The following GATAD1 variants were observed in gnomAD, a reference collection of about 807,000 sequenced individuals.
GATAD1 encodes the protein GATA zinc finger domain-containing protein 1.
A neutral mutation model predicts 26.5 loss-of-function variants in GATAD1; 12 were observed. That is an observed-to-expected ratio of 0.45 (90% CI 0.29 to 0.73). GATAD1 has a LOEUF of 0.73. Among genes scored for constraint, GATAD1 ranks in the 30% least tolerant of loss-of-function variants. The pLI is 0.10. For missense variants in GATAD1, 266 were observed against 342.1 expected, an observed-to-expected ratio of 0.78 and a Z score of 1.75; for synonymous variants, 129 against 133.1, an observed-to-expected ratio of 0.97 and a Z score of 0.21.
At chr7:92,490,340 A>G in the GATAD1 span, 4 of 222,280 alleles carry the variant, frequency 1.8e-5, no homozygotes, top group African/African-American at 4.8e-5. Context: ...TTATATTTTT[A>G]AAGTCTGAGT....
chr7:92,493,014 GC>G, the GATAD1 span: 1 of 1,613,698 alleles, frequency 6.2e-7, no homozygotes, highest in Non-Finnish European at 8.5e-7. Context: ...GTAAAGTAAA[GC>G]TTTCAGATCA....
the GATAD1 span, among the ~76,000 whole-genome samples, chr7:92,477,061 C>T: frequency 2.6e-5 from 4 of 152,148 alleles, no homozygotes; most frequent in East Asian, 1.9e-4. Flanking sequence ...CATGCATGGG[C>T]GACTGTTGAG....
chr7:92,489,894 A>T, the GATAD1 span: 1 of 1,614,010 alleles, frequency 6.2e-7, no homozygotes, highest in East Asian at 2.2e-5. Context: ...AGCTTGGTGC[A>T]GAGAGACATT....
At chr7:92,476,873 C>T in the GATAD1 span, among the ~76,000 whole-genome samples, 1 of 152,144 alleles carries the variant, frequency 6.6e-6, no homozygotes, top group African/African-American at 2.4e-5. Context: ...CGCAGAGCTT[C>T]CTTAGATCCC....
the GATAD1 span, among the ~76,000 whole-genome samples, chr7:92,475,747 G>A: frequency 6.6e-5 from 10 of 152,120 alleles, no homozygotes; most frequent in South Asian, 4.2e-4. Context: ...TTGCCTTTGC[G>A]CTCAGGGGTG....
chr7:92,489,010 A>C, the GATAD1 span, among the ~76,000 whole-genome samples: 1 of 152,260 alleles, frequency 6.6e-6, no homozygotes, highest in Non-Finnish European at 1.5e-5. Context: ...CTGGGATTAC[A>C]GGCATGAGCC....
At chr7:92,455,400 C>A (rs1310865009) in intron 4 of GATAD1, among the ~76,000 whole-genome samples, 1 of 152,116 alleles carries the variant, frequency 6.6e-6, no homozygotes, top group Non-Finnish European at 1.5e-5. Flanking sequence ...AAAGAACTAT[C>A]CCAGTTATCC....
chr7:92,470,304 G>T, the GATAD1 span: 2 of 777,452 alleles, frequency 2.6e-6, no homozygotes, highest in East Asian at 4.8e-5. Context: ...TGGTCATACA[G>T]CGGCATGGAG....
chr7:92,447,613 C>G lies in GATAD1; in HGVS notation c.-117C>G. The G allele has an allele frequency of 7.8e-7, 1 of 1,284,074 alleles. No homozygotes were observed. The highest frequency in any genetic ancestry group is 9.9e-7 in the Non-Finnish European group (1 of 1,005,938). The allele number at this position is 1,284,074 out of a possible 1,614,324, so 79.5% of individuals were successfully genotyped here. On this transcript the variant is annotated 5_prime_UTR_variant, in exon 1 of 5. Transcript: ENST00000287957. ...GGTCCTTTCACCGGCAGCTCCGTGC[C>G]GACGCTCTCACCGCTCTTCCTATCG...
the GATAD1 span, among the ~76,000 whole-genome samples, chr7:92,482,938 G>A: frequency 6.6e-6 from 1 of 152,190 alleles, no homozygotes; most frequent in Non-Finnish European, 1.5e-5. Context: ...GGAGTGGGTA[G>A]CCCCTGTATC....
At chr7:92,494,501 A>T in the GATAD1 span, 3 of 1,613,666 alleles carry the variant, frequency 1.9e-6, no homozygotes, top group Non-Finnish European at 2.5e-6. Flanking sequence ...TAAGCCTTCT[A>T]CTCCATCCAA....
At chr7:92,468,844 T>C in the GATAD1 span, 1 of 764,538 alleles carries the variant, frequency 1.3e-6, no homozygotes, top group Non-Finnish European at 2.4e-6. Flanking sequence ...TTTGATGTCA[T>C]TAACATCAGA....
chr7:92,464,339 C>T (rs1270025815), downstream of GATAD1, among the ~76,000 whole-genome samples: 1 of 152,150 alleles, frequency 6.6e-6, no homozygotes, highest in Non-Finnish European at 1.5e-5. Flanking sequence ...ACTCAGGAGA[C>T]GTGCAATGCA....
chr7:92,494,764 C>A, the GATAD1 span: 18 of 452,092 alleles, frequency 4.0e-5, 1 homozygote, highest in South Asian at 7.5e-4. Context: ...TTACAACAAA[C>A]CCTTAAAGAA....
the GATAD1 span, among the ~76,000 whole-genome samples, chr7:92,467,979 G>A: frequency 6.6e-6 from 1 of 152,152 alleles, no homozygotes; most frequent in African/African-American, 2.4e-5. Flanking sequence ...TGTGTTACTT[G>A]GGGGTCCTTG....
chr7:92,463,790 G>A (rs1213962078), downstream of GATAD1, among the ~76,000 whole-genome samples: 4 of 152,012 alleles, frequency 2.6e-5, no homozygotes, highest in African/African-American at 7.2e-5. Context: ...CCAACGTGGC[G>A]AAACCCCATC....
the GATAD1 span, among the ~76,000 whole-genome samples, chr7:92,481,469 A>C: frequency 1.3e-5 from 2 of 152,200 alleles, no homozygotes. Flanking sequence ...GGCCTCTAAA[A>C]GTATTAGGGC....
the GATAD1 span, among the ~76,000 whole-genome samples, chr7:92,466,306 AC>A: frequency 1.3e-5 from 2 of 152,052 alleles, no homozygotes; most frequent in Admixed American, 6.5e-5. Context: ...AGCTGGGACC[AC>A]AGTTGTGCAC....
chr7:92,469,366 C>A, the GATAD1 span: 2 of 657,726 alleles, frequency 3.0e-6, no homozygotes, highest in Non-Finnish European at 5.5e-6. Context: ...GGTTGTGATA[C>A]CGCCAATGCC....
Sources: allele counts gnomAD v4.1 joint callset (sites outside exome capture counted in the v4.1 genomes callset), GRCh38; gene constraint gnomAD v4.1.1; transcripts MANE v1.5; gene names NCBI Gene and HGNC (gene_info 2026-07-23, HGNC 2026-07-21).